The following USP15 variants were observed in gnomAD, a reference collection of about 807,000 sequenced individuals.
USP15 encodes ubiquitin carboxyl-terminal hydrolase 15.
In USP15, 18 loss-of-function variants were observed where a neutral mutation model predicts 127.1. That is an observed-to-expected ratio of 0.14 (90% CI 0.10 to 0.21). The LOEUF (loss-of-function observed/expected upper bound fraction) is 0.21, where lower values mean the gene tolerates loss of function less well. Among genes scored for constraint, USP15 ranks in the 10% least tolerant of loss-of-function variants. The pLI is 1.00. For missense variants in USP15, 805 were observed against 1,159.9 expected, an observed-to-expected ratio of 0.69 and a Z score of 4.44; for synonymous variants, 364 against 393.7, an observed-to-expected ratio of 0.92 and a Z score of 0.89.
At chr12:62,373,176 C>T (rs531423178) in intron 8 of USP15, among the ~76,000 whole-genome samples, 205 of 152,088 alleles carry the variant, frequency 1.3e-3, no homozygotes, top group African/African-American at 4.7e-3. Flanking sequence ...TAATGGTCTT[C>T]ACATAATCAT....
intron 8 of USP15, among the ~76,000 whole-genome samples, chr12:62,372,247 A>G (rs965384610): frequency 8.5e-5 from 13 of 152,112 alleles, no homozygotes; most frequent in African/African-American, 2.7e-4. Context: ...AGCTACCTAT[A>G]TATGTATAAT....
At chr12:62,392,210 GGTATCACTAAAATGAGTTTT>G in intron 17 of USP15, 42 bp from the exon 18 acceptor site, 4 of 1,036,700 alleles carry the variant, frequency 3.9e-6, no homozygotes, top group Non-Finnish European at 5.8e-6. Context: ...ATAGTAAGAT[GGTATCACTAAAATGAGTTTT>G]GTTTCATTTG....
At chr12:62,271,771 T>A (rs1048976987) in intron 1 of USP15, among the ~76,000 whole-genome samples, 1 of 151,922 alleles carries the variant, frequency 6.6e-6, no homozygotes, top group African/African-American at 2.4e-5. Context: ...TGGTCATGTA[T>A]GTGTATTCTG....
chr12:62,287,255 G>T (rs1167916297), intron 1 of USP15, among the ~76,000 whole-genome samples: 1 of 152,032 alleles, frequency 6.6e-6, no homozygotes, highest in African/African-American at 2.4e-5. Flanking sequence ...ATTAGAAGCC[G>T]AAACCTCAGC....
intron 8 of USP15, among the ~76,000 whole-genome samples, chr12:62,356,766 T>G (rs1008324667): frequency 1.3e-5 from 2 of 152,058 alleles, no homozygotes; most frequent in African/African-American, 4.8e-5. Context: ...TAAATTTTTA[T>G]CTTTATTTTT....
At position 62,349,275 on chromosome 12, in the gene USP15, A is replaced by G. The variant is rs1304440329; in HGVS notation, c.738A>G (p.Leu246=). 6.0e-6 allele frequency: 9 copies of G among 1,504,008 alleles called. No homozygotes were observed. Among genetic ancestry groups the G allele is most frequent in the Admixed American group, 2.1e-5 (1 of 48,034 alleles). The allele number at this position is 1,504,008 out of a possible 1,614,324, so 93.2% of individuals were successfully genotyped here. Residue 246 remains leucine (L), a synonymous_variant, in exon 7 of 22, where the codon CTA becomes CTG. Transcript: ENST00000280377. ...STLPKISPSS[L]SNNYNNMNNR... is the part of the protein sequence containing the mutation. ...TACCAAAGATCTCTCCTTCATCTCTATCAAATAATTATAACAACATGAACA... is the reference window on the plus strand; with the variant it reads ...TACCAAAGATCTCTCCTTCATCTCTGTCAAATAATTATAACAACATGAACA...
chr12:62,261,121 C>T (rs1258432346), intron 1 of USP15, among the ~76,000 whole-genome samples: 1 of 152,022 alleles, frequency 6.6e-6, no homozygotes, highest in Non-Finnish European at 1.5e-5. Flanking sequence ...ACCACGTGGT[C>T]TTGTGCTTTA....
chr12:62,414,762 G>A lies in USP15; in HGVS notation c.*10387G>A, dbSNP rs1426667245. ...TCAATAGGATTACATCTGGCTGGCA[G>A]TCCCTTCCTACTTCAGTCCATTATC... is the stretch of plus-strand genomic sequence containing the variant. On this transcript the variant is annotated 3_prime_UTR_variant, in exon 22 of 22. Coordinates refer to ENST00000280377, the MANE Select transcript of USP15 (RefSeq NM_001252078.2). 6.6e-6 allele frequency: 1 copy of A among 151,576 alleles called. No homozygotes were observed. Among genetic ancestry groups the A allele is most frequent in the Non-Finnish European group, 1.5e-5 (1 of 67,960 alleles). The allele number at this position is 151,576 out of a possible 1,614,324, so 9.4% of individuals were successfully genotyped here.
chr12:62,355,332 G>A lies in USP15; in HGVS notation c.772G>A (p.Val258Met). The change falls in exon 8 of 22, where the codon GTG (valine) becomes ATG (methionine). Residue 258 changes from valine to methionine, a missense_variant and splice_region_variant. By Grantham distance (21) the Val-to-Met change is conservative. Coordinates refer to ENST00000280377, the MANE Select transcript of USP15 (RefSeq NM_001252078.2). ...NNYNNMNNRN[V>M]KNSNYCLPSY... ...TTATGAAAATTTTTTTTCTTCCAGT[G>A]TGAAAAACTCAAATTACTGTCTTCC... The A allele has an allele frequency of 3.2e-6, 5 of 1,583,014 alleles. No homozygotes were observed. Among genetic ancestry groups the A allele is most frequent in the Non-Finnish European group, 4.3e-6 (5 of 1,168,220 alleles).
intron 19 of USP15, among the ~76,000 whole-genome samples, chr12:62,394,393 A>G (rs773043912): frequency 6.6e-6 from 1 of 152,252 alleles, no homozygotes; most frequent in Non-Finnish European, 1.5e-5. Context: ...AATAGATTAC[A>G]TAAAACAAAA....
intron 1 of USP15, among the ~76,000 whole-genome samples, chr12:62,269,255 A>G (rs2063280873): frequency 6.6e-6 from 1 of 151,918 alleles, no homozygotes; most frequent in Admixed American, 6.6e-5. Context: ...TATTGCTCCT[A>G]GGCAAAAAAA....
At chr12:62,371,199 G>C (rs1359586411) in intron 8 of USP15, among the ~76,000 whole-genome samples, 1 of 152,126 alleles carries the variant, frequency 6.6e-6, no homozygotes, top group Non-Finnish European at 1.5e-5. Flanking sequence ...CTGTCTACCT[G>C]TTTAGCCAAA....
intron 20 of USP15, 31 bp downstream of exon 20, chr12:62,396,429 T>C: frequency 1.3e-6 from 2 of 1,589,974 alleles, no homozygotes; most frequent in Non-Finnish European, 1.7e-6. Flanking sequence ...TTTACCCAAA[T>C]CATGGTGTTT....
At chr12:62,336,284 A>G in intron 6 of USP15, 1 of 985,458 alleles carries the variant, frequency 1.0e-6, no homozygotes, top group African/African-American at 1.7e-5. Flanking sequence ...AATTTCATGT[A>G]GGACTCACCA....
At chr12:62,337,340 A>T (rs1272688363) in intron 6 of USP15, among the ~76,000 whole-genome samples, 1 of 152,182 alleles carries the variant, frequency 6.6e-6, no homozygotes, top group Middle Eastern at 3.2e-3. Flanking sequence ...AAAGAGGTTT[A>T]TTGGATTTAC....
intron 11 of USP15, among the ~76,000 whole-genome samples, chr12:62,387,521 G>A (rs1441765236): frequency 1.3e-5 from 2 of 152,096 alleles, no homozygotes; most frequent in Non-Finnish European, 2.9e-5. Flanking sequence ...AAAAGTAGTC[G>A]TGTTATAAGG....
At chr12:62,372,922 A>G (rs1405159913) in intron 8 of USP15, among the ~76,000 whole-genome samples, 3 of 152,106 alleles carry the variant, frequency 2.0e-5, no homozygotes, top group Admixed American at 1.3e-4. Flanking sequence ...CATACTTCCC[A>G]TAAAGTGAAT....
At chr12:62,312,387 C>T in intron 3 of USP15, 1 of 172,440 alleles carries the variant, frequency 5.8e-6, no homozygotes, top group South Asian at 9.0e-5. Context: ...GTTTAATGGC[C>T]TTGTAAAAAA....
chr12:62,395,670 A>T (rs536633685), intron 19 of USP15, among the ~76,000 whole-genome samples: 1 of 151,258 alleles, frequency 6.6e-6, no homozygotes, highest in East Asian at 2.0e-4. Flanking sequence ...GTCATCCTCT[A>T]GTAATCATCC....
Sources: gnomAD v4.1 joint callset for allele counts (sites outside exome capture counted in the v4.1 genomes callset) on GRCh38, gnomAD v4.1.1 for gene constraint, MANE v1.5 for transcripts, NCBI Gene and HGNC (gene_info 2026-07-23, HGNC 2026-07-21) for gene names.